The following NRXN1 variants were observed in gnomAD, a reference collection of about 807,000 sequenced individuals.
The protein encoded by NRXN1 is neurexin 1.
NRXN1 carries 39 observed loss-of-function variants against 150.9 expected under a neutral mutation model. The observed-to-expected ratio is 0.26, with a 90% CI of 0.20 to 0.34. The LOEUF is 0.34. Ranked by LOEUF, NRXN1 falls within the 10% of genes least tolerant of loss-of-function variation. The pLI, the probability that NRXN1 is intolerant of heterozygous loss-of-function variation, is 1.00. For synonymous variants in NRXN1, 924 were observed against 757.0 expected, an observed-to-expected ratio of 1.22 and a Z score of -3.62; for missense variants, 1,815 against 1,949.9, an observed-to-expected ratio of 0.93 and a Z score of 1.30.
chr2:50,848,026 G>C (rs1228259157), intron 5 of NRXN1, among the ~76,000 whole-genome samples: 1 of 152,144 alleles, frequency 6.6e-6, no homozygotes, highest in Non-Finnish European at 1.5e-5. Flanking sequence ...CCCTCTGTCG[G>C]AAGGGGATCT....
intron 2 of NRXN1, among the ~76,000 whole-genome samples, chr2:50,929,348 C>G (rs1163226291): frequency 1.3e-5 from 2 of 152,010 alleles, no homozygotes; most frequent in Non-Finnish European, 2.9e-5. Context: ...ATAATCAGTG[C>G]TAAAGTTTGG....
At chr2:50,851,212 C>A (rs1674469723) in intron 5 of NRXN1, among the ~76,000 whole-genome samples, 1 of 151,996 alleles carries the variant, frequency 6.6e-6, no homozygotes, top group Non-Finnish European at 1.5e-5. Context: ...TAGGTCTAGG[C>A]ATTTATTCCC....
In NRXN1 at chr2:50,495,952, T is replaced by C. The variant is rs1180567935; in HGVS notation, c.3023A>G (p.Lys1008Arg). ...TCCGGCGGTGATTTGCGTTGTGATT[T>C]TTGTGTCAATCTTTACAGTGTGGAG... is the stretch of plus-strand genomic sequence containing the variant. ...SNLHTVKIDT[K>R]ITTQITAGAR... The change falls in exon 15 of 23, where the codon AAA (lysine) becomes AGA (arginine). Residue 1008 changes from lysine to arginine, a missense_variant. Coordinates refer to ENST00000401669, the MANE Select transcript of NRXN1 (RefSeq NM_001330078.2). 1.2e-6 allele frequency: 2 copies of C among 1,610,516 alleles called. No homozygotes were observed. Among genetic ancestry groups the C allele is most frequent in the East Asian group, 2.2e-5 (1 of 44,848 alleles).
intron 21 of NRXN1, among the ~76,000 whole-genome samples, chr2:50,036,576 T>G (rs1690074478): frequency 6.6e-6 from 1 of 152,164 alleles, no homozygotes; most frequent in Admixed American, 6.6e-5. Context: ...ATTTTATCAT[T>G]TACTAGGCTA....
chr2:50,338,890 T>A (rs2077366622), intron 17 of NRXN1, among the ~76,000 whole-genome samples: 1 of 152,116 alleles, frequency 6.6e-6, no homozygotes, highest in Non-Finnish European at 1.5e-5. Context: ...CACTTTAGAT[T>A]TTTCAGTCTT....
chr2:50,898,026 A>T (rs1401208445), intron 5 of NRXN1, among the ~76,000 whole-genome samples: 1 of 152,210 alleles, frequency 6.6e-6, no homozygotes, highest in Non-Finnish European at 1.5e-5. Flanking sequence ...GGACAAGTTT[A>T]GTTTAGATAT....
At chr2:50,964,629 G>A (rs958991781) in intron 2 of NRXN1, among the ~76,000 whole-genome samples, 4 of 151,286 alleles carry the variant, frequency 2.6e-5, no homozygotes, top group African/African-American at 2.4e-5. Flanking sequence ...TGAGAAACAC[G>A]CTTCAGTACA....
At position 50,764,441 on chromosome 2, in the gene NRXN1, A is replaced by G. The variant is rs1053398006; in HGVS notation, c.833-140826T>C. ...GCCAGTCATCCCTTAGCAACTGACT[A>G]TTTCAGCTCTGGCTACAGGGAAGGT... On this transcript the variant is annotated intron_variant, in intron 5 of 22. Coordinates refer to ENST00000401669, the MANE Select transcript of NRXN1 (RefSeq NM_001330078.2). Among the ~76,000 whole-genome samples the G allele has an allele frequency of 3.3e-5, 5 of 152,074 alleles. 1 individual carries two copies. Among genetic ancestry groups the G allele is most frequent in the African/African-American group, 1.2e-4 (5 of 41,444 alleles).
intron 21 of NRXN1, among the ~76,000 whole-genome samples, chr2:49,956,309 A>G (rs1352374705): frequency 6.6e-6 from 1 of 152,168 alleles, no homozygotes; most frequent in Non-Finnish European, 1.5e-5. Flanking sequence ...AAGATGTTCT[A>G]TGTTCTCTGA....
chr2:50,041,406 T>A (rs927096502), intron 21 of NRXN1, among the ~76,000 whole-genome samples: 3 of 152,178 alleles, frequency 2.0e-5, no homozygotes, highest in Non-Finnish European at 4.4e-5. Flanking sequence ...AATATCAACC[T>A]TATGCACAGC....
chr2:50,966,348 A>G (rs554358567), intron 2 of NRXN1, among the ~76,000 whole-genome samples: 8 of 151,596 alleles, frequency 5.3e-5, no homozygotes, highest in Admixed American at 1.3e-4. Flanking sequence ...GAGTTAAAAA[A>G]AAAAAAAACT....
At chr2:50,895,576 TGTTTGTTTGTC>T (rs1681807518) in intron 5 of NRXN1, among the ~76,000 whole-genome samples, 1 of 150,264 alleles carries the variant, frequency 6.7e-6, no homozygotes. Flanking sequence ...TTGTTTTTTT[TGTTTGTTTGTC>T]TTTTTTTTTT....
intron 5 of NRXN1, among the ~76,000 whole-genome samples, chr2:50,876,386 T>C (rs1288775449): frequency 2.0e-5 from 3 of 151,820 alleles, no homozygotes; most frequent in Non-Finnish European, 4.4e-5. Flanking sequence ...TATTGAAATA[T>C]TTAAAAACAC....
At chr2:49,949,682 G>A (rs541104571) in intron 21 of NRXN1, among the ~76,000 whole-genome samples, 2 of 146,016 alleles carry the variant, frequency 1.4e-5, no homozygotes, top group South Asian at 4.1e-4. Flanking sequence ...AGTGTATCCT[G>A]CTATACCTCT....
intron 5 of NRXN1, among the ~76,000 whole-genome samples, chr2:50,654,003 A>G (rs1201824295): frequency 7.3e-6 from 1 of 136,814 alleles, no homozygotes; most frequent in Non-Finnish European, 1.5e-5. Flanking sequence ...CTGGTTCTCC[A>G]AGTCCATTTA....
At chr2:50,491,584 A>G (rs1227512238) in intron 15 of NRXN1, among the ~76,000 whole-genome samples, 2 of 152,186 alleles carry the variant, frequency 1.3e-5, no homozygotes, top group Admixed American at 1.3e-4. Context: ...CAATGAAGAC[A>G]ATGCCAGAGC....
intron 5 of NRXN1, among the ~76,000 whole-genome samples, chr2:50,710,377 C>T (rs9309192): frequency 0.1 from 15,401 of 152,196 alleles, 849 homozygotes; most frequent in Middle Eastern, 0.16. Flanking sequence ...TATAAATATA[C>T]ACCTGTTCTT....
intron 5 of NRXN1, among the ~76,000 whole-genome samples, chr2:50,845,553 T>C (rs1001802689): frequency 4.6e-5 from 7 of 152,222 alleles, no homozygotes; most frequent in African/African-American, 1.7e-4. Context: ...GTTCATTTAT[T>C]CACTTGTTAA....
intron 5 of NRXN1, among the ~76,000 whole-genome samples, chr2:50,687,924 T>A (rs1327627658): frequency 6.6e-6 from 1 of 152,128 alleles, no homozygotes; most frequent in African/African-American, 2.4e-5. Context: ...GAGATCAAAC[T>A]CTTCTCTCTG....
Sources: gnomAD v4.1 joint callset for allele counts (sites outside exome capture counted in the v4.1 genomes callset) on GRCh38, gnomAD v4.1.1 for gene constraint, MANE v1.5 for transcripts, NCBI Gene and HGNC (gene_info 2026-07-23, HGNC 2026-07-21) for gene names.